Variants in FBXO15 observed in about 807,000 individuals in gnomAD.
The protein encoded by FBXO15 is F-box protein 15.
FBXO15 carries 30 observed loss-of-function variants against 49.5 expected under a neutral mutation model. The observed-to-expected ratio is 0.61, with a 90% confidence interval of 0.45 to 0.82. The LOEUF (loss-of-function observed/expected upper bound fraction) is 0.82. FBXO15 is among the 40% of genes least tolerant of loss of function. The pLI, the probability that FBXO15 is intolerant of heterozygous loss-of-function variation, is 0.00. For synonymous variants in FBXO15, 250 were observed against 232.7 expected (o/e 1.07, Z -0.68); for missense variants, 591 against 631.5 (o/e 0.94, Z 0.69).
At chr18:74,105,348 T>C (rs1913705875) in intron 8 of FBXO15, among the ~76,000 whole-genome samples, 2 of 152,242 alleles carry the variant, frequency 1.3e-5, no homozygotes, top group Admixed American at 1.3e-4. Flanking sequence ...CTCACAAGTA[T>C]ATTATTTGAT....
At chr18:74,104,183 ATTCTT>A (rs1186961583) in intron 8 of FBXO15, among the ~76,000 whole-genome samples, 2 of 152,158 alleles carry the variant, frequency 1.3e-5, no homozygotes, top group African/African-American at 4.8e-5. Flanking sequence ...ATTTGCGTCT[ATTCTT>A]TTCTTTGTGT....
At chr18:74,089,199 A>G (rs1211914373) in intron 8 of FBXO15, among the ~76,000 whole-genome samples, 1 of 152,044 alleles carries the variant, frequency 6.6e-6, no homozygotes, top group African/African-American at 2.4e-5. Context: ...TTTTTGTGGC[A>G]ATTGTGAATG....
rs764444943 is a variant in FBXO15, at chr18:74,093,024, G to A, written c.1139-10973C>T. Among the ~76,000 whole-genome samples, 16 of 152,274 alleles carry A rather than the reference G, an allele frequency of 1.1e-4. No individual in the cohort carries two copies. In the South Asian group the frequency reaches 1.7e-3, roughly 16 times the overall value. On this transcript the variant is annotated intron_variant, in intron 8 of 9. Coordinates refer to ENST00000419743, the MANE Select transcript of FBXO15 (RefSeq NM_001142958.2). ...GCACAGGGGCAGGGTGCTGGCAGGCGCAGAGCTGGCAACCTCCATGCATGT... is the reference window on the plus strand; with the variant it reads ...GCACAGGGGCAGGGTGCTGGCAGGCACAGAGCTGGCAACCTCCATGCATGT...
At position 74,123,535 on chromosome 18, in the gene FBXO15, T is replaced by C. The variant is rs771268968; in HGVS notation, c.996-25A>G. Reference sequence around the variant, plus strand: ...GCTGAAAAGCAAAACAAAAGAAACATACAAATTTGTCAACACCAGGGATAA... The same window carrying C: ...GCTGAAAAGCAAAACAAAAGAAACACACAAATTTGTCAACACCAGGGATAA... On this transcript the variant is annotated intron_variant, in intron 7 of 9. Coordinates refer to ENST00000419743, the MANE Select transcript of FBXO15 (RefSeq NM_001142958.2). 6 of 1,578,428 alleles carry C rather than the reference T, an allele frequency of 3.8e-6. No individual in the cohort carries two copies. In the South Asian group the frequency reaches 5.9e-5, roughly 15 times the overall value.
At chr18:74,091,263 A>G (rs1240637155) in intron 8 of FBXO15, among the ~76,000 whole-genome samples, 1 of 152,054 alleles carries the variant, frequency 6.6e-6, no homozygotes, top group Non-Finnish European at 1.5e-5. Context: ...TTCTCATTCT[A>G]CATCCCTTGA....
intron 8 of FBXO15, among the ~76,000 whole-genome samples, chr18:74,089,552 G>C (rs1351622252): frequency 2.0e-5 from 3 of 152,112 alleles, no homozygotes; most frequent in Admixed American, 2.0e-4. Flanking sequence ...TATAATATTG[G>C]TTTTGAAATA....
rs1599128082 is a variant in FBXO15, at chr18:74,076,759, T to G, written c.1264-3029A>C. Among the ~76,000 whole-genome samples, 4 of 151,994 alleles carry G rather than the reference T, an allele frequency of 2.6e-5. No homozygotes were observed. In the South Asian group the frequency reaches 8.3e-4, roughly 32 times the overall value. ...CACGGCTCTCAAGAAAGAACCAAAT[T>G]CCTTCCGGCTACCATTAAGGCCTGA... On this transcript the variant is annotated intron_variant, in intron 9 of 9. Coordinates refer to ENST00000419743, the MANE Select transcript of FBXO15 (RefSeq NM_001142958.2).
intron 8 of FBXO15, chr18:74,122,788 T>G (rs1397507084): frequency 1.3e-5 from 2 of 152,264 alleles, no homozygotes; most frequent in East Asian, 3.8e-4. Context: ...AGTCCTTACA[T>G]GAAACTCCAA....
intron 1 of FBXO15, among the ~76,000 whole-genome samples, chr18:74,145,788 C>T (rs60464459): frequency 6.6e-6 from 1 of 151,914 alleles, no homozygotes; most frequent in Non-Finnish European, 1.5e-5. Context: ...TTAGTAGAGA[C>T]GGGGTTTCAC....
intron 1 of FBXO15, among the ~76,000 whole-genome samples, chr18:74,142,139 G>A (rs1267423747): frequency 1.3e-5 from 2 of 152,126 alleles, no homozygotes; most frequent in Non-Finnish European, 1.5e-5. Flanking sequence ...ATATACTTTT[G>A]GTCTTATATG....
Position 74,129,505 on chromosome 18 carries a change from A to C in FBXO15, c.685T>G (p.Tyr229Asp). The C allele has an allele frequency of 6.2e-7, 1 of 1,613,912 alleles. No homozygotes were observed. The highest frequency in any genetic ancestry group is 8.5e-7 in the Non-Finnish European group (1 of 1,179,918). ...INDTSVTVIW[Y>D]GKKWPCLASL... ...GCTAGGCATGGCCATTTTTTGCCATACCATATAACAGTAACTGATGTGTCA... is the reference window on the plus strand; with the variant it reads ...GCTAGGCATGGCCATTTTTTGCCATCCCATATAACAGTAACTGATGTGTCA... Residue 229 changes from tyrosine to aspartate, a missense_variant, in exon 5 of 10, where the codon TAT (tyrosine) becomes GAT (aspartate). Coordinates refer to ENST00000419743, the MANE Select transcript of FBXO15 (RefSeq NM_001142958.2).
At chr18:74,140,174 A>G in intron 2 of FBXO15, 28 bp downstream of exon 2, 6 of 1,536,876 alleles carry the variant, frequency 3.9e-6, no homozygotes, top group Non-Finnish European at 5.3e-6. Context: ...GAGGCCCCCA[A>G]AAGTGACAGT....
chr18:74,103,136 C>T (rs1381301298), intron 8 of FBXO15, among the ~76,000 whole-genome samples: 4 of 151,816 alleles, frequency 2.6e-5, no homozygotes, highest in Non-Finnish European at 5.9e-5. Flanking sequence ...AAAAGCAATT[C>T]AGAAATGTAT....
chr18:74,086,485 G>GT (rs1203097644), intron 8 of FBXO15, among the ~76,000 whole-genome samples: 1 of 152,192 alleles, frequency 6.6e-6, no homozygotes, highest in Non-Finnish European at 1.5e-5. Flanking sequence ...CTGCAGTGCA[G>GT]TGGTGCGATC....
At chr18:74,139,874 T>A (rs895276153) in intron 2 of FBXO15, among the ~76,000 whole-genome samples, 2 of 152,240 alleles carry the variant, frequency 1.3e-5, no homozygotes, top group African/African-American at 4.8e-5. Context: ...TCTTGAGCTT[T>A]CAGGAAAACA....
intron 5 of FBXO15, among the ~76,000 whole-genome samples, chr18:74,128,915 C>T (rs925715351): frequency 5.3e-5 from 8 of 152,114 alleles, no homozygotes; most frequent in East Asian, 1.9e-4. Flanking sequence ...GCCAGTATAA[C>T]GATCATTCCA....
chr18:74,126,203 G>A (rs1276930291), intron 5 of FBXO15, 102 bp from the exon 6 acceptor site: 2 of 1,461,986 alleles, frequency 1.4e-6, no homozygotes, highest in Non-Finnish European at 1.9e-6. Context: ...TGAAGAGCAT[G>A]TTAATGATGT....
At chr18:74,141,280 T>C (rs1475385773) in intron 1 of FBXO15, among the ~76,000 whole-genome samples, 3 of 152,152 alleles carry the variant, frequency 2.0e-5, no homozygotes, top group African/African-American at 7.2e-5. Flanking sequence ...AGCCTCCATG[T>C]CTAGGCAGCA....
At chr18:74,082,794 G>A (rs533924503) in intron 8 of FBXO15, among the ~76,000 whole-genome samples, 39 of 152,250 alleles carry the variant, frequency 2.6e-4, no homozygotes, top group South Asian at 1.5e-3. Flanking sequence ...CAAACCAACC[G>A]ACAGCAACAC....
Sources: gnomAD v4.1 joint callset for allele counts (sites outside exome capture counted in the v4.1 genomes callset) on GRCh38, gnomAD v4.1.1 for gene constraint, MANE v1.5 for transcripts, NCBI Gene and HGNC (gene_info 2026-07-23, HGNC 2026-07-21) for gene names.